OPRM1: variants seen among roughly 807,000 people sequenced by gnomAD.
OPRM1 encodes mu-type opioid receptor.
OPRM1 carries 27 observed loss-of-function variants against 31.8 expected under a neutral mutation model. That is an observed-to-expected ratio of 0.85 (90% CI 0.63 to 1.17). The LOEUF is 1.17. Among genes scored for constraint, OPRM1 ranks in the 50% most tolerant of loss-of-function variants. OPRM1 has a pLI of 0.00. For synonymous variants in OPRM1, 196 were observed against 189.9 expected, an observed-to-expected ratio of 1.03 and a Z score of -0.26; for missense variants, 536 against 511.1, an observed-to-expected ratio of 1.05 and a Z score of -0.47.
In OPRM1 at chr6:154,119,135, G is replaced by T. The variant is rs1043959621; in HGVS notation, c.*414G>T. On this transcript the variant is annotated 3_prime_UTR_variant, in exon 4 of 4. Coordinates refer to ENST00000330432, the MANE Select transcript of OPRM1 (RefSeq NM_000914.5). ...AAAGTAAATGCTACCTCTGATCAAAGCACCTTGAATGGAAGGTCCGAGTCT... is the reference window on the plus strand; with the variant it reads ...AAAGTAAATGCTACCTCTGATCAAATCACCTTGAATGGAAGGTCCGAGTCT... The T allele has an allele frequency of 1.1e-5, 11 of 991,514 alleles. No homozygotes were observed. Among genetic ancestry groups the T allele is most frequent in the Non-Finnish European group, 1.3e-5 (11 of 833,904 alleles). The allele number at this position is 991,514 out of a possible 1,614,324, so 61.4% of individuals were successfully genotyped here. A position where few individuals can be genotyped will look rare whatever the true frequency, so the allele number is the denominator to read the frequency against.
rs192265008 is a variant in OPRM1 at position 154,048,315 on chromosome 6, G to A, written c.290+8481G>A. ...TTCTTTCTCTCTGTTTTCCTGTAAC[G>A]TATCTCTCATTCTTTTCCTATCAAA... On this transcript the variant is annotated intron_variant, in intron 1 of 3. Coordinates refer to ENST00000330432, the MANE Select transcript of OPRM1 (RefSeq NM_000914.5). Among the ~76,000 whole-genome samples, 573 of 151,622 alleles carry A rather than the reference G, an allele frequency of 3.8e-3. 3 individuals are homozygous for A. The highest frequency in any genetic ancestry group is 0.013 in the African/African-American group (545 of 41,318).
rs577544085 is a variant in OPRM1 at position 154,166,291 on chromosome 6, T to C, written c.1164+74819T>C. 2.6e-5 allele frequency among the ~76,000 whole-genome samples: 4 copies of C among 152,332 alleles called. No homozygotes were observed. In the East Asian group the frequency reaches 7.7e-4, roughly 29 times the overall value. On this transcript the variant is annotated intron_variant, in intron 3 of 3. Coordinates refer to the OPRM1 transcript ENST00000337049. Reference sequence around the variant, plus strand: ...TCTTTTCACAAAGTTGGCCCCCCAGTGGCCAGGTGAGGGCATGGTGCCGTA... The same window carrying C: ...TCTTTTCACAAAGTTGGCCCCCCAGCGGCCAGGTGAGGGCATGGTGCCGTA...
At chr6:154,060,667 T>C (rs1784216558) in intron 1 of OPRM1, among the ~76,000 whole-genome samples, 1 of 152,108 alleles carries the variant, frequency 6.6e-6, no homozygotes, top group South Asian at 2.1e-4. Flanking sequence ...ATGAGTTTTT[T>C]CCCCCGAAAA....
intron 1 of OPRM1, among the ~76,000 whole-genome samples, chr6:154,027,371 G>A (rs1371547104): frequency 6.6e-6 from 1 of 152,182 alleles, no homozygotes; most frequent in Non-Finnish European, 1.5e-5. Flanking sequence ...GCTGGTGGTG[G>A]TGTGACACAA....
At chr6:154,185,400 T>C (rs1459953357) in intron 3 of OPRM1, among the ~76,000 whole-genome samples, 1 of 152,252 alleles carries the variant, frequency 6.6e-6, no homozygotes, top group Non-Finnish European at 1.5e-5. Flanking sequence ...TAATTTTTAA[T>C]GGCAAAAAGT....
At chr6:154,070,164 C>A (rs1020187451) in intron 1 of OPRM1, among the ~76,000 whole-genome samples, 1 of 152,208 alleles carries the variant, frequency 6.6e-6, no homozygotes. Flanking sequence ...TTATTGCCTA[C>A]CCTGGCTCCC....
At position 154,124,493 on chromosome 6, in the gene OPRM1, G is replaced by C. The variant is rs933389047; in HGVS notation, c.*5772G>C. Among the ~76,000 whole-genome samples, 1 of 152,162 alleles carries C rather than the reference G, an allele frequency of 6.6e-6. No homozygotes were observed. The highest frequency in any genetic ancestry group is 1.5e-5 in the Non-Finnish European group (1 of 68,032). ...TCCATAGGTGTGGGGTGGGATGTTA[G>C]AGCTCTAGACATTAATTCCTAGGAA... On this transcript the variant is annotated 3_prime_UTR_variant, in exon 4 of 4. Transcript: ENST00000330432.
rs562249008 is a variant in OPRM1 at position 154,029,046 on chromosome 6, C to T, written c.1-10115C>T. ...CCTTTTATTCTGCCATCTTGCTTCA[C>T]CAGAAATCCAATATTATTATCTTAT... On this transcript the variant is annotated intron_variant, in intron 1 of 5. Transcript: ENST00000434900. Among the ~76,000 whole-genome samples, 144 of 152,256 alleles carry T rather than the reference C, an allele frequency of 9.5e-4. 5 individuals carry two copies. In the South Asian group the frequency reaches 0.025, roughly 27 times the overall value.
At chr6:154,150,326 A>G (rs1011792655) in intron 3 of OPRM1, among the ~76,000 whole-genome samples, 2 of 152,172 alleles carry the variant, frequency 1.3e-5, no homozygotes, top group African/African-American at 2.4e-5. Context: ...CCTTGATCCA[A>G]CCTTCAGGAT....
At chr6:154,041,325 T>C (rs1780014618) in intron 1 of OPRM1, among the ~76,000 whole-genome samples, 1 of 152,194 alleles carries the variant, frequency 6.6e-6, no homozygotes, top group Admixed American at 6.5e-5. Context: ...GATGGAAGTA[T>C]TTATTTTTAA....
intron 1 of OPRM1, among the ~76,000 whole-genome samples, chr6:154,025,474 A>G (rs1778641082): frequency 6.6e-6 from 1 of 151,978 alleles, no homozygotes; most frequent in Non-Finnish European, 1.5e-5. Context: ...TTTTTCATCC[A>G]TTCAGCTACT....
intron 3 of OPRM1, among the ~76,000 whole-genome samples, chr6:154,191,397 G>C (rs1012843339): frequency 2.0e-5 from 3 of 152,116 alleles, no homozygotes; most frequent in Admixed American, 6.5e-5. Context: ...CCCCATGCCA[G>C]GCGCGGTGGC....
intron 1 of OPRM1, among the ~76,000 whole-genome samples, chr6:154,076,932 T>C (rs1474696357): frequency 6.6e-6 from 1 of 152,204 alleles, no homozygotes; most frequent in African/African-American, 2.4e-5. Context: ...GTGGATTCTT[T>C]CTTGAAGTTT....
At chr6:154,149,618 G>A (rs1462297260) in intron 3 of OPRM1, among the ~76,000 whole-genome samples, 2 of 150,450 alleles carry the variant, frequency 1.3e-5, no homozygotes, top group Non-Finnish European at 2.9e-5. Context: ...GTGTGTGTGT[G>A]TGCGCGCGTG....
intron 1 of OPRM1, among the ~76,000 whole-genome samples, chr6:154,083,046 G>A (rs1376995316): frequency 6.6e-6 from 1 of 152,140 alleles, no homozygotes; most frequent in African/African-American, 2.4e-5. Context: ...ATGTCCTGAA[G>A]TAAAATTTTC....
At position 154,039,590 on chromosome 6, in the gene OPRM1, G is replaced by T. The variant is rs367637070; in HGVS notation, c.46G>T (p.Ala16Ser). ...APTNASNCTD[A>S]LAYSSCSPAP... ...CACGAACGCCAGCAATTGCACTGATGCCTTGGCGTACTCAAGTTGCTCCCC... is the reference window on the plus strand; with the variant it reads ...CACGAACGCCAGCAATTGCACTGATTCCTTGGCGTACTCAAGTTGCTCCCC... Residue 16 changes from alanine (A) to serine (S), a missense_variant, in exon 1 of 4, where the codon GCC becomes TCC. Ala to Ser is a moderately conservative substitution (Grantham distance 99). Transcript: ENST00000330432. The T allele has an allele frequency of 2.5e-6, 4 of 1,613,870 alleles. No individual in the cohort carries two copies. Among genetic ancestry groups the T allele is most frequent in the Non-Finnish European group, 3.4e-6 (4 of 1,179,890 alleles).
At chr6:154,215,874 A>G (rs187937464) in intron 3 of OPRM1, among the ~76,000 whole-genome samples, 1 of 152,222 alleles carries the variant, frequency 6.6e-6, no homozygotes. Flanking sequence ...TGCGAAAAAA[A>G]TTTCTCAGCC....
rs1194893337 is a variant in OPRM1, at chr6:154,129,274, C to A, written c.*10553C>A. Reference sequence around the variant, plus strand: ...GAACAGGACAGGGAGTTCTTCTATACAATAGAGAACAGAACAATGTTCTTC... The same window carrying A: ...GAACAGGACAGGGAGTTCTTCTATAAAATAGAGAACAGAACAATGTTCTTC... On this transcript the variant is annotated 3_prime_UTR_variant, in exon 4 of 4. Transcript: ENST00000330432. 6.6e-6 allele frequency among the ~76,000 whole-genome samples: 1 copy of A among 152,218 alleles called. No individual in the cohort carries two copies. The highest frequency in any genetic ancestry group is 1.5e-5 in the Non-Finnish European group (1 of 68,040).
chr6:154,044,098 AAGGATGGAT>A (rs1406994054), intron 1 of OPRM1, among the ~76,000 whole-genome samples: 13 of 152,000 alleles, frequency 8.6e-5, no homozygotes, highest in Non-Finnish European at 1.5e-5. Flanking sequence ...TCTTCTCTTA[AAGGATGGAT>A]GGATAGATAG....
Sources: allele counts gnomAD v4.1 joint callset (sites outside exome capture counted in the v4.1 genomes callset), GRCh38; gene constraint gnomAD v4.1.1; transcripts MANE v1.5; gene names NCBI Gene and HGNC (gene_info 2026-07-23, HGNC 2026-07-21).